Variants in GML observed in about 807,000 individuals in gnomAD.
GML encodes glycosyl-phosphatidylinositol-anchored molecule-like protein.
Under a neutral mutation model 8.2 loss-of-function variants are expected in GML, and 5 were observed. That is an observed-to-expected ratio of 0.61 (90% CI 0.32 to 1.28). GML has a LOEUF of 1.28. Among genes scored for constraint, GML ranks in the 50% most tolerant of loss-of-function variants. GML has a pLI of 0.06. For synonymous variants in GML, 72 were observed against 69.0 expected (o/e 1.04, Z -0.22); for missense variants, 191 against 198.3 (o/e 0.96, Z 0.22).
chr8:142,840,441 C>A lies in GML; in HGVS notation c.4C>A (p.Leu2Ile). Residue 2 changes from leucine to isoleucine, a missense_variant, in exon 2 of 4, where the codon CTC becomes ATC. By Grantham distance (5) the Leu-to-Ile change is conservative. Transcript: ENST00000220940. M[L>I]LFALLLAMEL... Reference sequence around the variant, plus strand: ...GTCCAGGCTCCTGCGTGAAGTGATGCTCCTCTTTGCCTTACTCCTAGCCAT... The same window carrying A: ...GTCCAGGCTCCTGCGTGAAGTGATGATCCTCTTTGCCTTACTCCTAGCCAT... The A allele has an allele frequency of 6.2e-7, 1 of 1,612,862 alleles. No homozygotes were observed. The highest frequency in any genetic ancestry group is 1.3e-5 in the African/African-American group (1 of 75,028).
chr8:142,841,197 T>C lies in GML; in HGVS notation c.153T>C (p.His51=). Residue 51 remains histidine (H), a synonymous_variant, in exon 3 of 4, where the codon CAT becomes CAC. Transcript: ENST00000220940. ...NCPNIRVCPY[H]IRRCMTISIR... is the part of the protein sequence containing the mutation. ...CCAACATTAGAGTATGTCCGTATCA[T>C]ATTAGGCGCTGTATGACAATCTCCA... The C allele has an allele frequency of 6.5e-7, 1 of 1,542,772 alleles. No homozygotes were observed.
intron 1 of GML, among the ~76,000 whole-genome samples, chr8:142,835,711 G>A (rs1816330501): frequency 1.3e-5 from 2 of 152,090 alleles, no homozygotes; most frequent in African/African-American, 4.8e-5. Context: ...ATCCTTCTGG[G>A]GTGACTTATT....
intron 1 of GML, among the ~76,000 whole-genome samples, chr8:142,838,003 T>A (rs1816367291): frequency 1.4e-5 from 2 of 148,142 alleles, no homozygotes; most frequent in South Asian, 4.3e-4. Flanking sequence ...GTAGCCAGCC[T>A]GGCTTTCAGC....
intron 1 of GML, among the ~76,000 whole-genome samples, chr8:142,839,623 C>T (rs1214655517): frequency 6.6e-6 from 1 of 152,206 alleles, no homozygotes; most frequent in Non-Finnish European, 1.5e-5. Flanking sequence ...TGCTCCCAAC[C>T]AGGGAGATGG....
chr8:142,840,883 G>A (rs969401955), intron 2 of GML, among the ~76,000 whole-genome samples: 11 of 152,174 alleles, frequency 7.2e-5, no homozygotes, highest in African/African-American at 2.7e-4. Context: ...CACCAGTGGC[G>A]CTCTCTGGAG....
At position 142,846,404 on chromosome 8, in the gene GML, C is replaced by G. The variant is rs141438947; in HGVS notation, c.191C>G (p.Ser64Cys). The part of the protein sequence containing the change: ...RCMTISIRIN[S>C]RELLVYKNCT... The stretch of plus-strand genomic sequence containing the variant: ...CTGCTTCTTTTTTTAGGCATAAATT[C>G]TCGTGAACTACTTGTTTATAAGAAC... The change falls in exon 4 of 4, where the codon TCT becomes TGT. Residue 64 changes from serine to cysteine, a missense_variant. Transcript: ENST00000220940. 1.9e-6 allele frequency: 3 copies of G among 1,586,158 alleles called. No individual in the cohort carries two copies. The highest frequency in any genetic ancestry group is 2.6e-6 in the Non-Finnish European group (3 of 1,163,614).
intron 1 of GML, among the ~76,000 whole-genome samples, chr8:142,840,034 G>A (rs896622071): frequency 1.3e-5 from 2 of 152,134 alleles, no homozygotes; most frequent in African/African-American, 2.4e-5. Context: ...CGGAGGGAGC[G>A]GGAAGCGCGT....
In GML at chr8:142,840,520, A is replaced by G. The variant is rs1192086730; in HGVS notation, c.73+10A>G. 1.3e-6 allele frequency: 2 copies of G among 1,588,984 alleles called. No individual in the cohort carries two copies. Among genetic ancestry groups the G allele is most frequent in the Non-Finnish European group, 1.7e-6 (2 of 1,157,034 alleles). ...ACCATGCGCGCTCAGTGTAAGTATC[A>G]TTCCCTCTCACTGTCCTGGAGAGGA... On this transcript the variant is annotated intron_variant, in intron 2 of 3. Transcript: ENST00000220940.
chr8:142,845,944 C>T (rs1816498941), intron 3 of GML, among the ~76,000 whole-genome samples: 1 of 152,144 alleles, frequency 6.6e-6, no homozygotes, highest in Non-Finnish European at 1.5e-5. Flanking sequence ...AAGGGTCTTG[C>T]CAACTGCAGA....
chr8:142,840,538 G>A lies in GML; in HGVS notation c.73+28G>A, dbSNP rs1198863564. Reference sequence around the variant, plus strand: ...AAGTATCATTCCCTCTCACTGTCCTGGAGAGGACGAGAATTCACCTGGGGT... The same window carrying A: ...AAGTATCATTCCCTCTCACTGTCCTAGAGAGGACGAGAATTCACCTGGGGT... On this transcript the variant is annotated intron_variant, in intron 2 of 3. Coordinates refer to ENST00000220940, the MANE Select transcript of GML (RefSeq NM_002066.3). The A allele has an allele frequency of 1.3e-5, 19 of 1,517,934 alleles. 1 individual carries two copies. In the Middle Eastern group the frequency reaches 6.8e-4, roughly 54 times the overall value. 94.0% of individuals were successfully genotyped at this position (1,517,934 alleles called of 1,614,324 possible).
At chr8:142,837,650 G>A (rs890837504) in intron 1 of GML, among the ~76,000 whole-genome samples, 2 of 145,942 alleles carry the variant, frequency 1.4e-5, no homozygotes, top group African/African-American at 5.1e-5. Flanking sequence ...CTTTCACACC[G>A]AATCCTCAGC....
chr8:142,836,624 C>T (rs1816345605), intron 1 of GML, among the ~76,000 whole-genome samples: 2 of 152,164 alleles, frequency 1.3e-5, no homozygotes, highest in Non-Finnish European at 2.9e-5. Flanking sequence ...TATTGAACAT[C>T]TTGCGTTGCG....
At chr8:142,844,284 C>T (rs932022205) in intron 3 of GML, among the ~76,000 whole-genome samples, 3 of 152,154 alleles carry the variant, frequency 2.0e-5, no homozygotes, top group Non-Finnish European at 2.9e-5. Flanking sequence ...ACAATATCTG[C>T]ACCATATAAA....
chr8:142,837,372 C>G (rs549251306), intron 1 of GML, among the ~76,000 whole-genome samples: 32 of 151,602 alleles, frequency 2.1e-4, no homozygotes, highest in Non-Finnish European at 2.8e-4. Context: ...TTCATTGGCA[C>G]TAGTAGGATT....
Position 142,843,800 on chromosome 8 carries a change from G to A in GML, c.181+2575G>A, listed in dbSNP as rs370477597. 1.2e-4 allele frequency among the ~76,000 whole-genome samples: 18 copies of A among 152,270 alleles called. No homozygotes were observed. The South Asian group carries it at 3.3e-3, about 28-fold the overall frequency. ...TGTGCAAGATTTCAACACTCAAACT[G>A]CAAGAACACTATTGAAGACTTAAAA... On this transcript the variant is annotated intron_variant, in intron 3 of 3. Coordinates refer to ENST00000220940, the MANE Select transcript of GML (RefSeq NM_002066.3).
At chr8:142,841,026 G>A in intron 2 of GML, 92 bp from the exon 3 acceptor site, 2 of 736,740 alleles carry the variant, frequency 2.7e-6, no homozygotes, top group Non-Finnish European at 5.0e-6. Flanking sequence ...AGAGGGGAAG[G>A]GCTGGCCGTT....
At chr8:142,844,136 A>G (rs1162969674) in intron 3 of GML, among the ~76,000 whole-genome samples, 2 of 152,180 alleles carry the variant, frequency 1.3e-5, no homozygotes, top group East Asian at 3.8e-4. Flanking sequence ...TTGAAAAATA[A>G]CAACATTAGA....
At chr8:142,837,816 G>T (rs1480681405) in intron 1 of GML, among the ~76,000 whole-genome samples, 2 of 146,504 alleles carry the variant, frequency 1.4e-5, no homozygotes, top group Non-Finnish European at 1.5e-5. Flanking sequence ...TGCCACACTG[G>T]GGGGGATTCT....
At chr8:142,839,721 G>A (rs143018092) in intron 1 of GML, among the ~76,000 whole-genome samples, 6 of 152,300 alleles carry the variant, frequency 3.9e-5, no homozygotes, top group East Asian at 3.9e-4. Flanking sequence ...GGGTCCCTGC[G>A]AGAAAATGTC....
Sources: gnomAD v4.1 joint callset for allele counts (sites outside exome capture counted in the v4.1 genomes callset) on GRCh38, gnomAD v4.1.1 for gene constraint, MANE v1.5 for transcripts, NCBI Gene and HGNC (gene_info 2026-07-23, HGNC 2026-07-21) for gene names.